Variants in NOL4L observed in about 807,000 individuals in gnomAD.
The protein encoded by NOL4L is nucleolar protein 4-like.
NOL4L carries 7 observed loss-of-function variants against 64.5 expected under a neutral mutation model. The ratio of observed to expected loss-of-function variants is 0.11; its 90% CI spans 0.06 to 0.20. The LOEUF (loss-of-function observed/expected upper bound fraction) is 0.20. Among genes scored for constraint, NOL4L ranks in the 10% least tolerant of loss-of-function variants. The pLI is 1.00. For synonymous variants in NOL4L, 413 were observed against 401.0 expected (o/e 1.03, Z -0.36); for missense variants, 680 against 967.1 (o/e 0.70, Z 3.94).
chr20:32,448,582 G>C (rs1053687737), intron 10 of NOL4L, among the ~76,000 whole-genome samples: 17 of 152,194 alleles, frequency 1.1e-4, no homozygotes, highest in African/African-American at 4.1e-4. Flanking sequence ...CCCCTCCTGG[G>C]AGGAGTCCTG....
intron 6 of NOL4L, among the ~76,000 whole-genome samples, chr20:32,455,223 T>G (rs527568869): frequency 1.3e-5 from 2 of 152,276 alleles, no homozygotes; most frequent in Non-Finnish European, 2.9e-5. Flanking sequence ...ACAGTGGCAA[T>G]GGCTGCTGAA....
chr20:32,472,060 C>A (rs1243690814), intron 5 of NOL4L, among the ~76,000 whole-genome samples: 2 of 152,178 alleles, frequency 1.3e-5, no homozygotes, highest in African/African-American at 4.8e-5. Context: ...TTGGGAGTCC[C>A]CACACTCCCG....
chr20:32,488,835 CTT>C lies in NOL4L; in HGVS notation c.700-14095_700-14094del, dbSNP rs1413571468. ...TTTCTTTCTTTCTTTCTTTTTCTTT[CTT>C]TCTTTCTTTCTTTCTTTCTTTCTTT... On this transcript the variant is annotated intron_variant, in intron 4 of 10. Transcript: ENST00000621426. Among the ~76,000 whole-genome samples, 55 of 53,998 alleles carry C rather than the reference CTT, an allele frequency of 1.0e-3. 1 individual carries two copies. The highest frequency in any genetic ancestry group is 2.8e-3 in the South Asian group (5 of 1,772). The allele number at this position is 53,998 out of a possible 152,430, so 35.4% of individuals were successfully genotyped here. A position where few individuals can be genotyped will look rare whatever the true frequency, so the allele number is the denominator to read the frequency against.
chr20:32,470,093 G>A (rs2014894096), intron 5 of NOL4L, among the ~76,000 whole-genome samples: 1 of 152,246 alleles, frequency 6.6e-6, no homozygotes, highest in Non-Finnish European at 1.5e-5. Flanking sequence ...TGCCCACCCT[G>A]CAGAAGGCGG....
intron 4 of NOL4L, among the ~76,000 whole-genome samples, chr20:32,476,988 C>A (rs1212494033): frequency 6.6e-6 from 1 of 152,218 alleles, no homozygotes. Context: ...GGCAAGGAGG[C>A]TGCTGTGGGC....
intron 4 of NOL4L, among the ~76,000 whole-genome samples, chr20:32,503,890 C>T (rs2017024321): frequency 1.3e-5 from 2 of 152,138 alleles, no homozygotes; most frequent in African/African-American, 2.4e-5. Context: ...GCACTACTCC[C>T]TCTTTTTTAA....
chr20:32,453,839 C>T lies in NOL4L; in HGVS notation c.1120-78G>A. 1 of 1,410,258 alleles carries T rather than the reference C, an allele frequency of 7.1e-7. No homozygotes were observed. Among genetic ancestry groups the T allele is most frequent in the Non-Finnish European group, 9.7e-7 (1 of 1,032,414 alleles). 87.4% of individuals were successfully genotyped at this position (1,410,258 alleles called of 1,614,324 possible). ...TGCTGGGTCTCCTACAGGCGGTGAG[C>T]TTGGGGACCAGGGTGGCACGCATGC... is the stretch of plus-strand genomic sequence containing the variant. On this transcript the variant is annotated intron_variant, in intron 6 of 10. Coordinates refer to ENST00000621426, the MANE Select transcript of NOL4L (RefSeq NM_001256798.2). The surrounding 1 kb of genome is among the most constrained non-coding windows in gnomAD (Gnocchi z 5.6).
intron 1 of NOL4L, among the ~76,000 whole-genome samples, chr20:32,545,804 T>G (rs2018724110): frequency 6.6e-6 from 1 of 152,206 alleles, no homozygotes; most frequent in Non-Finnish European, 1.5e-5. Context: ...TATTCTAGCG[T>G]GCTGAGTCTC....
At chr20:32,537,170 G>C (rs1237667430) in intron 1 of NOL4L, 2 of 949,848 alleles carry the variant, frequency 2.1e-6, no homozygotes, top group African/African-American at 3.5e-5. Flanking sequence ...TGCCAAGCCT[G>C]ATCTCCCGTA....
chr20:32,487,308 T>A (rs941146190), intron 4 of NOL4L, among the ~76,000 whole-genome samples: 6 of 149,910 alleles, frequency 4.0e-5, no homozygotes, highest in African/African-American at 1.5e-4. Flanking sequence ...CTAAACTTAA[T>A]GTGTGACTCT....
At chr20:32,556,401 C>T (rs1052467410) in intron 1 of NOL4L, among the ~76,000 whole-genome samples, 6 of 152,156 alleles carry the variant, frequency 3.9e-5, no homozygotes, top group Non-Finnish European at 7.3e-5. Context: ...CAAGGTGCCT[C>T]GTCCTCTGCT....
At position 32,474,653 on chromosome 20, in the gene NOL4L, G is replaced by A; in HGVS notation, c.789C>T (p.Pro263=). 15 of 1,613,758 alleles carry A rather than the reference G, an allele frequency of 9.3e-6. No individual in the cohort carries two copies. The highest frequency in any genetic ancestry group is 1.1e-5 in the Non-Finnish European group (13 of 1,179,970). The part of the protein sequence containing the change: ...ADPHLASSLS[P]SQDERMRSPQ... ...GGCTCCGCATCCTCTCGTCCTGGCTGGGGCTCAGGCTGGAGGCCAGGTGCG... is the reference window on the plus strand; with the variant it reads ...GGCTCCGCATCCTCTCGTCCTGGCTAGGGCTCAGGCTGGAGGCCAGGTGCG... The change falls in exon 5 of 11, where the codon CCC becomes CCT. Residue 263 remains proline (P), a synonymous_variant. Transcript: ENST00000621426.
chr20:32,580,426 G>C (rs1254231209), intron 1 of NOL4L, among the ~76,000 whole-genome samples: 1 of 152,232 alleles, frequency 6.6e-6, no homozygotes, highest in East Asian at 1.9e-4. Flanking sequence ...CAGACCAGCG[G>C]CCGCAGGTGC....
chr20:32,539,715 C>T (rs189470298), intron 1 of NOL4L, among the ~76,000 whole-genome samples: 1 of 152,284 alleles, frequency 6.6e-6, no homozygotes, highest in African/African-American at 2.4e-5. Flanking sequence ...AAGTCATTGC[C>T]TCTCAGAGTC....
At chr20:32,511,791 C>T (rs2017418643) in intron 3 of NOL4L, among the ~76,000 whole-genome samples, 1 of 152,126 alleles carries the variant, frequency 6.6e-6, no homozygotes, top group African/African-American at 2.4e-5. Flanking sequence ...GGGACACAGG[C>T]CCCAGGAGTT....
At position 32,447,564 on chromosome 20, in the gene NOL4L, C is replaced by G. The variant is rs1441501591; in HGVS notation, c.*32G>C. 2 of 1,569,342 alleles carry G rather than the reference C, an allele frequency of 1.3e-6. No homozygotes were observed. The highest frequency in any genetic ancestry group is 4.5e-5 in the East Asian group (2 of 44,546). ...GGTCCAGGCTGGGACAGCCTCCTTC[C>G]CTAGGGCAGTGCGCTCCAGGTGCCG... On this transcript the variant is annotated 3_prime_UTR_variant, in exon 11 of 11. Transcript: ENST00000621426.
rs1283503955 is a variant in NOL4L at position 32,544,785 on chromosome 20, A to G, written c.322-16872T>C. 2.6e-5 allele frequency among the ~76,000 whole-genome samples: 4 copies of G among 152,220 alleles called. No individual in the cohort carries two copies. The East Asian group carries it at 5.8e-4, about 22-fold the overall frequency. On this transcript the variant is annotated intron_variant, in intron 1 of 10. Coordinates refer to ENST00000621426, the MANE Select transcript of NOL4L (RefSeq NM_001256798.2). The stretch of plus-strand genomic sequence containing the variant: ...CCACCCCAGGGTGAACTCAAAATCC[A>G]GTGCACTGTTCCCCTTTGCTATCAA...
At chr20:32,473,481 G>A (rs367630176) in intron 5 of NOL4L, among the ~76,000 whole-genome samples, 2 of 152,224 alleles carry the variant, frequency 1.3e-5, no homozygotes, top group South Asian at 4.1e-4. Context: ...TTTCTTTGCC[G>A]GCAGCCACGC....
At chr20:32,514,947 C>T (rs749660398) in intron 3 of NOL4L, among the ~76,000 whole-genome samples, 13 of 152,074 alleles carry the variant, frequency 8.5e-5, no homozygotes, top group Non-Finnish European at 1.6e-4. Context: ...GTCGGCCCTT[C>T]GTTGGGTGTT....
Sources: allele counts gnomAD v4.1 joint callset (sites outside exome capture counted in the v4.1 genomes callset), GRCh38; gene constraint gnomAD v4.1.1; non-coding constraint Gnocchi (gnomAD v3.1); transcripts MANE v1.5; gene names NCBI Gene and HGNC (gene_info 2026-07-23, HGNC 2026-07-21).